The following ERBB4 variants were observed in gnomAD, a reference collection of about 807,000 sequenced individuals.
The protein encoded by ERBB4 is receptor tyrosine-protein kinase erbB-4.
In ERBB4, 42 loss-of-function variants were observed where a neutral mutation model predicts 158.0. That is an observed-to-expected ratio of 0.27 (90% CI 0.21 to 0.34). The LOEUF (loss-of-function observed/expected upper bound fraction) is 0.34. ERBB4 is among the 10% of genes least tolerant of loss of function. The pLI, the probability that ERBB4 is intolerant of heterozygous loss-of-function variation, is 1.00. For missense variants in ERBB4, 1,333 were observed against 1,624.1 expected (o/e 0.82, Z 3.08); for synonymous variants, 583 against 558.7 (o/e 1.04, Z -0.61).
rs759958026 is a variant in ERBB4 at position 212,472,645 on chromosome 2, G to A, written c.82+65804C>T. 1.5e-3 allele frequency among the ~76,000 whole-genome samples: 223 copies of A among 151,828 alleles called. 2 individuals are homozygous for A. Among genetic ancestry groups the A allele is most frequent in the Non-Finnish European group, 8.0e-4 (54 of 67,732 alleles). ...CAAACTATCTACACGTAAAGGAATA[G>A]TTTGTTTTAGTTTGAAACTGCTACT... On this transcript the variant is annotated intron_variant, in intron 1 of 27. Coordinates refer to ENST00000342788, the MANE Select transcript of ERBB4 (RefSeq NM_005235.3).
chr2:211,748,646 CA>C (rs1190238628), intron 5 of ERBB4, among the ~76,000 whole-genome samples: 1 of 152,214 alleles, frequency 6.6e-6, no homozygotes, highest in African/African-American at 2.4e-5. Flanking sequence ...CAGAGTGGCT[CA>C]GCCACAACAA....
chr2:212,224,518 G>A (rs1369295767), intron 1 of ERBB4, among the ~76,000 whole-genome samples: 3 of 151,866 alleles, frequency 2.0e-5, no homozygotes, highest in African/African-American at 7.2e-5. Flanking sequence ...GGAAAGGGGA[G>A]GGAAAAACGT....
At chr2:212,024,610 T>C (rs1273251213) in intron 2 of ERBB4, among the ~76,000 whole-genome samples, 6 of 151,926 alleles carry the variant, frequency 3.9e-5, no homozygotes, top group Non-Finnish European at 8.8e-5. Flanking sequence ...ATTTTCAAAA[T>C]CATTTTCCTT....
At chr2:212,069,961 G>GA (rs2078062163) in intron 2 of ERBB4, among the ~76,000 whole-genome samples, 1 of 111,552 alleles carries the variant, frequency 9.0e-6, no homozygotes, top group Admixed American at 1.1e-4. Context: ...TTAAAAAAAA[G>GA]AAAAAAGAAA....
At chr2:212,115,753 C>T (rs989052552) in intron 2 of ERBB4, among the ~76,000 whole-genome samples, 4 of 152,154 alleles carry the variant, frequency 2.6e-5, no homozygotes, top group African/African-American at 9.7e-5. Flanking sequence ...AAGCAATCCT[C>T]CCACCTAGGC....
intron 3 of ERBB4, among the ~76,000 whole-genome samples, chr2:211,914,258 T>A (rs2079624476): frequency 6.9e-6 from 1 of 145,220 alleles, no homozygotes; most frequent in Non-Finnish European, 1.5e-5. Flanking sequence ...TATTTTTCTT[T>A]TTTTTTTTTC....
chr2:211,430,590 C>A (rs1236089377), intron 21 of ERBB4, among the ~76,000 whole-genome samples: 1 of 152,104 alleles, frequency 6.6e-6, no homozygotes, highest in Non-Finnish European at 1.5e-5. Context: ...ATCAGTGGGA[C>A]AATTTCTACA....
chr2:211,913,321 C>T (rs1049790417), intron 3 of ERBB4, among the ~76,000 whole-genome samples: 12 of 151,942 alleles, frequency 7.9e-5, no homozygotes, highest in South Asian at 2.1e-4. Flanking sequence ...AGCAATAGGC[C>T]GGGTGCAGTG....
intron 2 of ERBB4, among the ~76,000 whole-genome samples, chr2:212,040,169 T>C (rs2077104757): frequency 7.0e-6 from 1 of 142,116 alleles, no homozygotes; most frequent in South Asian, 2.2e-4. Flanking sequence ...ATTTTAAAGT[T>C]GGAAGTACCT....
chr2:212,105,697 G>A (rs937792650), intron 2 of ERBB4, among the ~76,000 whole-genome samples: 1 of 152,114 alleles, frequency 6.6e-6, no homozygotes, highest in Admixed American at 6.6e-5. Context: ...ATACAACACT[G>A]TCCTGACCTA....
chr2:211,915,616 C>T (rs2079667878), intron 3 of ERBB4, among the ~76,000 whole-genome samples: 1 of 151,708 alleles, frequency 6.6e-6, no homozygotes, highest in Admixed American at 6.6e-5. Context: ...CTGAATGACA[C>T]AAAAGGTCTT....
At chr2:212,466,122 C>T (rs1688822346) in intron 1 of ERBB4, among the ~76,000 whole-genome samples, 1 of 152,150 alleles carries the variant, frequency 6.6e-6, no homozygotes, top group African/African-American at 2.4e-5. Context: ...TATTATTATT[C>T]AACTTTAAAA....
chr2:211,428,618 A>G (rs2063685786), intron 21 of ERBB4, 135 bp from the exon 22 acceptor site: 1 of 484,294 alleles, frequency 2.1e-6, no homozygotes, highest in Non-Finnish European at 3.7e-6. Context: ...AACTATAACT[A>G]TAAATATATG....
At chr2:211,967,132 A>T (rs1242018616) in intron 2 of ERBB4, among the ~76,000 whole-genome samples, 1 of 152,160 alleles carries the variant, frequency 6.6e-6, no homozygotes, top group Non-Finnish European at 1.5e-5. Flanking sequence ...CTACACAGAA[A>T]CAATTGCTCA....
chr2:211,407,871 A>G (rs531959682), intron 25 of ERBB4, among the ~76,000 whole-genome samples: 1 of 152,342 alleles, frequency 6.6e-6, no homozygotes, highest in South Asian at 2.1e-4. Flanking sequence ...AAAGTGCACA[A>G]AGGAAAGCTG....
chr2:212,360,099 T>TG (rs1365231618), intron 1 of ERBB4, among the ~76,000 whole-genome samples: 1 of 151,808 alleles, frequency 6.6e-6, no homozygotes, highest in Non-Finnish European at 1.5e-5. Context: ...GATCTATTTG[T>TG]GGAAAACTGA....
intron 3 of ERBB4, among the ~76,000 whole-genome samples, chr2:211,808,691 G>A (rs1316007173): frequency 6.6e-6 from 1 of 152,134 alleles, no homozygotes; most frequent in Non-Finnish European, 1.5e-5. Flanking sequence ...TCATGGGGAT[G>A]GCATTGAATC....
At chr2:212,007,152 C>G (rs537106554) in intron 2 of ERBB4, among the ~76,000 whole-genome samples, 1 of 151,900 alleles carries the variant, frequency 6.6e-6, no homozygotes, top group African/African-American at 2.4e-5. Context: ...ATTTAATCTT[C>G]AAAACCTTCA....
At chr2:211,743,878 T>C (rs1412082265) in intron 5 of ERBB4, among the ~76,000 whole-genome samples, 2 of 152,216 alleles carry the variant, frequency 1.3e-5, no homozygotes, top group Non-Finnish European at 2.9e-5. Flanking sequence ...ATAAGTTCTA[T>C]TTTGACCCTT....
Sources: gnomAD v4.1 joint callset for allele counts (sites outside exome capture counted in the v4.1 genomes callset) on GRCh38, gnomAD v4.1.1 for gene constraint, MANE v1.5 for transcripts, NCBI Gene and HGNC (gene_info 2026-07-23, HGNC 2026-07-21) for gene names.